Variants in LRFN2 observed in about 807,000 individuals in gnomAD.
LRFN2 encodes the protein leucine rich repeat and fibronectin type III domain containing 2.
In LRFN2, 18 loss-of-function variants were observed where a neutral mutation model predicts 37.3. That is an observed-to-expected ratio of 0.48 (90% confidence interval 0.33 to 0.72). LRFN2 has a LOEUF of 0.72. Among genes scored for constraint, LRFN2 ranks in the 30% least tolerant of loss-of-function variants. The probability of loss-of-function intolerance (pLI) is 0.02; values close to 1 mark genes in which losing one functional copy is unlikely to be tolerated. For missense variants in LRFN2, 1,006 were observed against 1,060.7 expected (o/e 0.95, Z 0.72); for synonymous variants, 556 against 466.6 (o/e 1.19, Z -2.47).
chr6:40,495,870 A>T (rs1436636660), intron 1 of LRFN2, among the ~76,000 whole-genome samples: 1 of 151,748 alleles, frequency 6.6e-6, no homozygotes, highest in East Asian at 1.9e-4. Flanking sequence ...CTTCACATTT[A>T]CCTCCAGCCC....
intron 2 of LRFN2, among the ~76,000 whole-genome samples, chr6:40,394,989 G>C (rs576271814): frequency 7.4e-6 from 1 of 135,356 alleles, no homozygotes; most frequent in Non-Finnish European, 1.5e-5. Flanking sequence ...ATCCAGTCTC[G>C]TGTATGTCTT....
intron 1 of LRFN2, among the ~76,000 whole-genome samples, chr6:40,474,352 G>A (rs893940449): frequency 2.6e-5 from 4 of 152,158 alleles, no homozygotes; most frequent in African/African-American, 9.7e-5. Context: ...CTCCTTGGCT[G>A]TAGCTGGATC....
intron 1 of LRFN2, among the ~76,000 whole-genome samples, chr6:40,438,725 G>C (rs1407552468): frequency 2.0e-5 from 3 of 152,130 alleles, no homozygotes; most frequent in African/African-American, 7.2e-5. Context: ...TTTCCTGCTT[G>C]GGGTTGGGCC....
chr6:40,566,451 G>A (rs886406030), intron 1 of LRFN2, among the ~76,000 whole-genome samples: 20 of 152,196 alleles, frequency 1.3e-4, no homozygotes, highest in South Asian at 1.0e-3. Flanking sequence ...TTATTGCCGC[G>A]CTATTCACAA....
chr6:40,453,219 T>C (rs879411990), intron 1 of LRFN2, among the ~76,000 whole-genome samples: 1 of 152,046 alleles, frequency 6.6e-6, no homozygotes, highest in Non-Finnish European at 1.5e-5. Flanking sequence ...ATTATGTCAA[T>C]ACGGTTGGAA....
chr6:40,561,919 C>T (rs1366412728), intron 1 of LRFN2, among the ~76,000 whole-genome samples: 2 of 152,106 alleles, frequency 1.3e-5, no homozygotes, highest in African/African-American at 4.8e-5. Context: ...ACCATGATGA[C>T]CAGGAGTCAA....
At chr6:40,586,766 A>AT (rs1056144174) in intron 1 of LRFN2, among the ~76,000 whole-genome samples, 175 bp downstream of exon 1, 1 of 152,208 alleles carries the variant, frequency 6.6e-6, no homozygotes, top group Non-Finnish European at 1.5e-5. Flanking sequence ...ATCTCTCGCG[A>AT]TAAGGATGGG....
rs1317699189 is a variant in LRFN2 at position 40,398,572 on chromosome 6, C to T, written c.1401-5660G>A. Among the ~76,000 whole-genome samples the T allele has an allele frequency of 1.3e-5, 2 of 151,684 alleles. 1 individual carries two copies. Among genetic ancestry groups the T allele is most frequent in the Admixed American group, 1.3e-4 (2 of 15,256 alleles). ...TCAACCATCAGGTCAGTCATGGGCACCTCCATGAAAAACACGTCCCTGAAA... is the reference window on the plus strand; with the variant it reads ...TCAACCATCAGGTCAGTCATGGGCATCTCCATGAAAAACACGTCCCTGAAA... On this transcript the variant is annotated intron_variant, in intron 2 of 2. Transcript: ENST00000338305.
At chr6:40,501,087 T>C (rs1765371026) in intron 1 of LRFN2, among the ~76,000 whole-genome samples, 1 of 151,632 alleles carries the variant, frequency 6.6e-6, no homozygotes, top group African/African-American at 2.4e-5. Flanking sequence ...CTGTAAGATA[T>C]TAAGTGAAAA....
chr6:40,433,315 G>C (rs1763561863), intron 1 of LRFN2, among the ~76,000 whole-genome samples, 184 bp from the exon 2 acceptor site: 1 of 152,192 alleles, frequency 6.6e-6, no homozygotes. Context: ...CTTTTCCTTA[G>C]CTTTATCACC....
At chr6:40,565,418 C>T (rs541733049) in intron 1 of LRFN2, among the ~76,000 whole-genome samples, 2 of 152,022 alleles carry the variant, frequency 1.3e-5, no homozygotes, top group Non-Finnish European at 2.9e-5. Context: ...AAAGAGCCTG[C>T]ATTGCCAAGT....
intron 2 of LRFN2, 32 bp downstream of exon 2, chr6:40,431,682 C>T: frequency 1.3e-6 from 2 of 1,493,468 alleles, no homozygotes; most frequent in Non-Finnish European, 1.8e-6. Context: ...AGCCAGACAC[C>T]CTCCCTGCCT....
intron 1 of LRFN2, among the ~76,000 whole-genome samples, chr6:40,494,978 C>T (rs1765190313): frequency 6.6e-6 from 1 of 152,224 alleles, no homozygotes; most frequent in Non-Finnish European, 1.5e-5. Flanking sequence ...AAATCCCCAA[C>T]CCTGGTTAAA....
At position 40,514,474 on chromosome 6, in the gene LRFN2, C is replaced by A. The variant is rs528138268; in HGVS notation, c.-19+72467G>T. On this transcript the variant is annotated intron_variant, in intron 1 of 2. Transcript: ENST00000338305. ...GGATTACATGCGTGCACCACCACAC[C>A]CAGCTAATTTTTGTATTTTTAGTAG... is the stretch of plus-strand genomic sequence containing the variant. Among the ~76,000 whole-genome samples the A allele has an allele frequency of 2.0e-5, 3 of 152,032 alleles. No homozygotes were observed. The East Asian group carries it at 5.8e-4, about 29-fold the overall frequency.
At chr6:40,502,798 T>C (rs1765420880) in intron 1 of LRFN2, among the ~76,000 whole-genome samples, 1 of 152,240 alleles carries the variant, frequency 6.6e-6, no homozygotes, top group Non-Finnish European at 1.5e-5. Flanking sequence ...ACATGGCACC[T>C]GCCCCCATAC....
At chr6:40,457,512 C>T (rs552424763) in intron 1 of LRFN2, among the ~76,000 whole-genome samples, 1 of 151,972 alleles carries the variant, frequency 6.6e-6, no homozygotes, top group South Asian at 2.1e-4. Flanking sequence ...GTGGCTCACA[C>T]CTGTAATCCC....
At chr6:40,581,654 G>A (rs956307351) in intron 1 of LRFN2, among the ~76,000 whole-genome samples, 1 of 152,188 alleles carries the variant, frequency 6.6e-6, no homozygotes, top group Non-Finnish European at 1.5e-5. Context: ...TACCTTTTTA[G>A]AATGACAAGG....
intron 2 of LRFN2, among the ~76,000 whole-genome samples, chr6:40,411,058 G>A (rs1396168000): frequency 6.6e-6 from 1 of 152,368 alleles, no homozygotes; most frequent in African/African-American, 2.4e-5. Context: ...TAGTGTGGAA[G>A]TAATCATGTA....
At chr6:40,580,689 A>T (rs1767381378) in intron 1 of LRFN2, among the ~76,000 whole-genome samples, 1 of 152,236 alleles carries the variant, frequency 6.6e-6, no homozygotes, top group Non-Finnish European at 1.5e-5. Flanking sequence ...TAAAGTAGAC[A>T]GTGAGCTGGA....
Sources: allele counts gnomAD v4.1 joint callset (sites outside exome capture counted in the v4.1 genomes callset), GRCh38; gene constraint gnomAD v4.1.1; transcripts MANE v1.5; gene names NCBI Gene and HGNC (gene_info 2026-07-23, HGNC 2026-07-21).